Variants in ARHGAP6 observed in about 807,000 individuals in gnomAD.
ARHGAP6 encodes rho GTPase-activating protein 6.
Under a neutral mutation model 55.7 loss-of-function variants are expected in ARHGAP6, and 16 were observed. The ratio of observed to expected loss-of-function variants is 0.29; its 90% CI spans 0.19 to 0.44. The LOEUF (loss-of-function observed/expected upper bound fraction) is 0.44. Ranked by LOEUF, ARHGAP6 falls within the 20% of genes least tolerant of loss-of-function variation. ARHGAP6 has a pLI of 1.00. For synonymous variants in ARHGAP6, 382 were observed against 360.9 expected, an observed-to-expected ratio of 1.06 and a Z score of -0.66; for missense variants, 698 against 808.9, an observed-to-expected ratio of 0.86 and a Z score of 1.66.
At chrX:11,171,337 ATAT>A (rs1337849562) in intron 8 of ARHGAP6, among the ~76,000 whole-genome samples, 1 of 109,338 alleles carries the variant, frequency 9.1e-6, no homozygotes, top group African/African-American at 3.3e-5. Flanking sequence ...TCACATCCAT[ATAT>A]TATTTTGTAA....
intron 1 of ARHGAP6, among the ~76,000 whole-genome samples, chrX:11,517,758 G>A (rs1245847154): frequency 9.0e-6 from 1 of 110,772 alleles, no homozygotes; most frequent in Non-Finnish European, 1.9e-5. Flanking sequence ...TTATAAGTAG[G>A]AGCTGAACAA....
At chrX:11,481,156 TA>T (rs924741477) in intron 1 of ARHGAP6, among the ~76,000 whole-genome samples, 3 of 111,098 alleles carry the variant, frequency 2.7e-5, no homozygotes, top group African/African-American at 9.8e-5. Flanking sequence ...CTCCCTCTAA[TA>T]TTTTCATGGT....
intron 1 of ARHGAP6, among the ~76,000 whole-genome samples, chrX:11,333,107 G>C (rs147286706): frequency 0.013 from 1,445 of 112,036 alleles, 22 homozygotes; most frequent in African/African-American, 0.043. Flanking sequence ...ACTGAGAACA[G>C]TAAGGCTATG....
chrX:11,181,940 G>C, intron 6 of ARHGAP6, 123 bp downstream of exon 6: 1 of 522,205 alleles, frequency 1.9e-6, no homozygotes, highest in Non-Finnish European at 3.1e-6. Context: ...TATTATAATA[G>C]CTTGGAGGGT....
At chrX:11,507,509 T>C (rs1042603672) in intron 1 of ARHGAP6, among the ~76,000 whole-genome samples, 1 of 112,112 alleles carries the variant, frequency 8.9e-6, no homozygotes, top group Non-Finnish European at 1.9e-5. Flanking sequence ...AGCATAATTA[T>C]TTCCAATACA....
chrX:11,251,545 C>A (rs1008775423), intron 2 of ARHGAP6, among the ~76,000 whole-genome samples: 1 of 112,035 alleles, frequency 8.9e-6, no homozygotes, highest in South Asian at 3.7e-4. Flanking sequence ...AATAGATAAC[C>A]ACAAATAAAT....
chrX:11,215,342 G>C (rs1247297606), intron 2 of ARHGAP6, among the ~76,000 whole-genome samples: 1 of 113,004 alleles, frequency 8.8e-6, no homozygotes, highest in Non-Finnish European at 1.9e-5. Context: ...GCAGGGCCGA[G>C]CTCTGTCTCA....
rs6530435 is a variant in ARHGAP6 at position 11,299,131 on chromosome X, G to A, written c.589-44424C>T. Among the ~76,000 whole-genome samples, 6,787 of 111,698 alleles carry A rather than the reference G, an allele frequency of 0.061. 268 individuals are homozygous for A. Among genetic ancestry groups the A allele is most frequent in the African/African-American group, 0.15 (4,521 of 30,624 alleles). On this transcript the variant is annotated intron_variant, in intron 1 of 12. Coordinates refer to ENST00000337414, the MANE Select transcript of ARHGAP6 (RefSeq NM_013427.3). ...TCCAAGCAATATGCTATACCTTTATGTTAAAGACAAATTCCTCTAAATGGC... is the reference window on the plus strand; with the variant it reads ...TCCAAGCAATATGCTATACCTTTATATTAAAGACAAATTCCTCTAAATGGC...
intron 1 of ARHGAP6, among the ~76,000 whole-genome samples, chrX:11,605,474 A>G (rs2052024701): frequency 9.0e-6 from 1 of 111,448 alleles, no homozygotes; most frequent in Admixed American, 9.5e-5. Flanking sequence ...GGGGAGTGGC[A>G]GTGGGCGTGG....
intron 1 of ARHGAP6, among the ~76,000 whole-genome samples, chrX:11,457,366 G>A (rs185487340): frequency 1.7e-4 from 19 of 111,357 alleles, no homozygotes; most frequent in African/African-American, 5.9e-4. Context: ...TCATCTCTGA[G>A]CTTAGAGAAC....
chrX:11,529,862 G>A (rs1011953720), intron 1 of ARHGAP6, among the ~76,000 whole-genome samples: 1 of 111,666 alleles, frequency 9.0e-6, no homozygotes, highest in South Asian at 3.8e-4. Context: ...AACAAGTGGA[G>A]GTGTCTGCTC....
At chrX:11,508,852 T>TACACACACAC (rs199575300) in intron 1 of ARHGAP6, among the ~76,000 whole-genome samples, 135 of 101,982 alleles carry the variant, frequency 1.3e-3, no homozygotes, top group African/African-American at 4.1e-3. Flanking sequence ...CAACTCATAC[T>TACACACACAC]ACACACACAC....
chrX:11,172,124 T>C (rs1221857437), intron 8 of ARHGAP6, among the ~76,000 whole-genome samples: 1 of 110,769 alleles, frequency 9.0e-6, no homozygotes, highest in Admixed American at 9.6e-5. Flanking sequence ...TGAACCCCAC[T>C]CTCATCCTGT....
chrX:11,500,730 T>C (rs1438238719), intron 1 of ARHGAP6, among the ~76,000 whole-genome samples: 1 of 104,710 alleles, frequency 9.6e-6, no homozygotes, highest in African/African-American at 3.5e-5. Flanking sequence ...ATTACTAGTA[T>C]ACACTTTAGA....
chrX:11,625,030 G>C (rs1273429715), intron 1 of ARHGAP6, among the ~76,000 whole-genome samples: 1 of 112,081 alleles, frequency 8.9e-6, no homozygotes, highest in Non-Finnish European at 1.9e-5. Context: ...GGAATGTGGA[G>C]AAAAGGCAAT....
chrX:11,526,768 C>T (rs906457939), intron 1 of ARHGAP6, among the ~76,000 whole-genome samples: 4 of 111,414 alleles, frequency 3.6e-5, no homozygotes, highest in African/African-American at 1.3e-4. Flanking sequence ...CTTTCATATG[C>T]TGTTAGATGC....
At chrX:11,323,866 CA>C (rs61462099) in intron 1 of ARHGAP6, among the ~76,000 whole-genome samples, 2,538 of 40,212 alleles carry the variant, frequency 0.063, 16 homozygotes, top group Non-Finnish European at 0.086. Context: ...ACCCCCATTT[CA>C]AAAAAAAAAA....
intron 1 of ARHGAP6, among the ~76,000 whole-genome samples, chrX:11,458,172 T>C (rs1334509085): frequency 8.9e-6 from 1 of 112,747 alleles, no homozygotes; most frequent in Non-Finnish European, 1.9e-5. Flanking sequence ...TTCATTATTC[T>C]GCAGTCTTAG....
chrX:11,318,347 T>A (rs1310283301), intron 1 of ARHGAP6, among the ~76,000 whole-genome samples: 1 of 112,114 alleles, frequency 8.9e-6, no homozygotes. Flanking sequence ...TAACAGCAAT[T>A]TGAGCTTACA....
Sources: allele counts gnomAD v4.1 joint callset (sites outside exome capture counted in the v4.1 genomes callset), GRCh38; gene constraint gnomAD v4.1.1; transcripts MANE v1.5; gene names NCBI Gene and HGNC (gene_info 2026-07-23, HGNC 2026-07-21).